Variants in COL18A1 observed in about 807,000 individuals in gnomAD.
COL18A1 encodes the protein collagen type XVIII alpha 1 chain.
A neutral mutation model predicts 168.0 loss-of-function variants in COL18A1; 133 were observed. The observed-to-expected ratio is 0.79, with a 90% CI of 0.69 to 0.91. COL18A1 has a LOEUF of 0.91. Among genes scored for constraint, COL18A1 ranks in the 40% least tolerant of loss-of-function variants. The probability of loss-of-function intolerance (pLI) is 0.00; values close to 1 mark genes in which losing one functional copy is unlikely to be tolerated. For missense variants in COL18A1, 2,126 were observed against 1,925.4 expected, an observed-to-expected ratio of 1.10 and a Z score of -1.95; for synonymous variants, 949 against 809.0, an observed-to-expected ratio of 1.17 and a Z score of -2.94.
In COL18A1 at chr21:45,505,922, G is replaced by T. The variant is rs1335050702; in HGVS notation, c.3172G>T (p.Glu1058Ter). 1.2e-6 allele frequency: 2 copies of T among 1,613,210 alleles called. No individual in the cohort carries two copies. Among genetic ancestry groups the T allele is most frequent in the Non-Finnish European group, 1.7e-6 (2 of 1,179,964 alleles). The stretch of plus-strand genomic sequence containing the variant: ...CTGGCTCATCTTCGTGGCCGAGCAG[G>T]AGGAGCTCTACGTCCGCGTGCAGAA... Reference protein sequence around the residue: ...EGWLIFVAEQEELYVRVQNGF... With the variant: ...EGWLIFVAEQ Residue 1058 changes from glutamate (E) to a stop codon, truncating the protein, a stop_gained, in exon 37 of 42, where the codon GAG becomes TAG. Coordinates refer to ENST00000651438, the MANE Select transcript of COL18A1 (RefSeq NM_001379500.1). LOFTEE classifies it high-confidence loss of function.
rs980347784 is a variant in COL18A1 at position 45,498,197 on chromosome 21, G to A, written c.2683+536G>A. 5.1e-5 allele frequency: 36 copies of A among 699,198 alleles called. No individual in the cohort carries two copies. The African/African-American group carries it at 6.3e-4, about 12-fold the overall frequency. The allele number at this position is 699,198 out of a possible 1,614,324, so 43.3% of individuals were successfully genotyped here. ...CCTGCCAAGACCACTGAGAACAGCT[G>A]GATAAAATGTGAGAAAACCACTGTT... On this transcript the variant is annotated intron_variant, in intron 32 of 41. Transcript: ENST00000651438. This position sits in a 1 kb window ranked among gnomAD's most constrained non-coding sequence, Gnocchi z 4.5.
chr21:45,439,364 T>G (rs2034305174), intron 2 of COL18A1, among the ~76,000 whole-genome samples: 1 of 152,120 alleles, frequency 6.6e-6, no homozygotes, highest in Non-Finnish European at 1.5e-5. Context: ...GCAGAGGCCG[T>G]GTGGATGCCG....
intron 2 of COL18A1, among the ~76,000 whole-genome samples, chr21:45,442,986 G>C (rs1234093326): frequency 6.9e-6 from 1 of 145,592 alleles, no homozygotes; most frequent in Non-Finnish European, 1.5e-5. Context: ...TGTGGGTGGC[G>C]GTGCTGGTGT....
At chr21:45,460,748 A>G (rs2035013064) in intron 2 of COL18A1, among the ~76,000 whole-genome samples, 3 of 152,092 alleles carry the variant, frequency 2.0e-5, no homozygotes, top group Admixed American at 2.0e-4. Flanking sequence ...CTTATCTCTC[A>G]CCGCTTGGCA....
chr21:45,455,146 G>T (rs919464638), intron 2 of COL18A1, among the ~76,000 whole-genome samples: 2 of 152,248 alleles, frequency 1.3e-5, no homozygotes, highest in Admixed American at 6.5e-5. Context: ...GCTGGGGGCC[G>T]CTGCCTCAGT....
rs937964944 is a variant in COL18A1 at position 45,457,093 on chromosome 21, C to T, written c.107-11149C>T. On this transcript the variant is annotated intron_variant, in intron 2 of 41. Coordinates refer to ENST00000651438, the MANE Select transcript of COL18A1 (RefSeq NM_001379500.1). The surrounding 1 kb of genome is among the most constrained non-coding windows in gnomAD (Gnocchi z 4.6). The stretch of plus-strand genomic sequence containing the variant: ...GACAGGAAGAGGGCTGGATGAACCG[C>T]AGCCGATGTGTCCAGGTGCCACCTG... Among the ~76,000 whole-genome samples, 3 of 152,132 alleles carry T rather than the reference C, an allele frequency of 2.0e-5. No homozygotes were observed. Among genetic ancestry groups the T allele is most frequent in the African/African-American group, 7.2e-5 (3 of 41,428 alleles).
At chr21:45,486,690 T>C (rs555444473) in intron 15 of COL18A1, among the ~76,000 whole-genome samples, 171 bp from the exon 16 acceptor site, 6 of 152,348 alleles carry the variant, frequency 3.9e-5, no homozygotes, top group Non-Finnish European at 7.3e-5. Context: ...TGAAATCGTG[T>C]CGTAAAGTTA....
intron 2 of COL18A1, among the ~76,000 whole-genome samples, chr21:45,466,717 C>A (rs1350680351): frequency 6.6e-6 from 1 of 152,160 alleles, no homozygotes; most frequent in African/African-American, 2.4e-5. Context: ...TCACTGGGGT[C>A]CCTGGGGCCG....
At chr21:45,410,405 C>T (rs572831359) in intron 2 of COL18A1, among the ~76,000 whole-genome samples, 16 of 131,658 alleles carry the variant, frequency 1.2e-4, no homozygotes, top group Admixed American at 1.5e-4. Context: ...GTGCTGGGGC[C>T]GGGCACTGGT....
rs1282858485 is a variant in COL18A1 at position 45,481,945 on chromosome 21, T to C, written c.1612-18T>C. ...GGCCGAATGCCATCAAGACCCACTA[T>C]GCTCTGCTCTCCCCCAGGGACCCCC... is the stretch of plus-strand genomic sequence containing the variant. On this transcript the variant is annotated intron_variant, in intron 13 of 41. Coordinates refer to ENST00000651438, the MANE Select transcript of COL18A1 (RefSeq NM_001379500.1). 6.3e-7 allele frequency: 1 copy of C among 1,596,954 alleles called. No homozygotes were observed. The highest frequency in any genetic ancestry group is 8.6e-7 in the Non-Finnish European group (1 of 1,164,494).
rs1365408488 is a variant in COL18A1, at chr21:45,479,315, ACAC to A, written c.1249-583_1249-581del. 6.6e-5 allele frequency among the ~76,000 whole-genome samples: 10 copies of A among 151,824 alleles called. No individual in the cohort carries two copies. In the South Asian group the frequency reaches 1.2e-3, roughly 19 times the overall value. On this transcript the variant is annotated intron_variant, in intron 9 of 41. Transcript: ENST00000651438. ...CACATGTGTGCACACACCACACATT[ACAC>A]CACACGTGGATACACTTGCATACAC...
intron 2 of COL18A1, among the ~76,000 whole-genome samples, chr21:45,440,738 T>G (rs2034348952): frequency 6.6e-6 from 1 of 151,676 alleles, no homozygotes; most frequent in Admixed American, 6.6e-5. Context: ...CCTGCGGGGG[T>G]TTATGTCACA....
At position 45,472,449 on chromosome 21, in the gene COL18A1, G is replaced by A. The variant is rs564239968; in HGVS notation, c.652-1446G>A. ...CATGGTCTCAATCTCCTGACCTTGT[G>A]ATCCACCCGCCTCGGCCTTCCAAAG... On this transcript the variant is annotated intron_variant, in intron 3 of 41. Transcript: ENST00000651438. Among the ~76,000 whole-genome samples the A allele has an allele frequency of 2.0e-5, 3 of 152,294 alleles. No individual in the cohort carries two copies. In the East Asian group the frequency reaches 5.8e-4, roughly 29 times the overall value.
At position 45,512,258 on chromosome 21, in the gene COL18A1, T is replaced by TG; in HGVS notation, c.3882dup (p.Arg1295AlafsTer37). 1 of 1,611,840 alleles carries TG rather than the reference T, an allele frequency of 6.2e-7. No individual in the cohort carries two copies. ...GCTGACCGAGAGCTACTGTGAGACG[T>TG]GGCGGACGGAGGCTCCCTCGGCCAC... On this transcript the variant is annotated frameshift_variant, in exon 42 of 42. Coordinates refer to ENST00000651438, the MANE Select transcript of COL18A1 (RefSeq NM_001379500.1). LOFTEE classifies it low-confidence loss of function (END_TRUNC).
chr21:45,477,671 T>C, intron 7 of COL18A1, 79 bp from the exon 8 acceptor site: 4 of 1,392,360 alleles, frequency 2.9e-6, no homozygotes, highest in Non-Finnish European at 3.9e-6. Flanking sequence ...CCTGGGACTC[T>C]GGAGGGCGCA....
At chr21:45,470,496 T>TG (rs2035379660) in intron 3 of COL18A1, among the ~76,000 whole-genome samples, 2 of 148,496 alleles carry the variant, frequency 1.3e-5, no homozygotes, top group South Asian at 2.1e-4. Flanking sequence ...TTTTTTGTTT[T>TG]TTTTTTTTTA....
intron 26 of COL18A1, chr21:45,493,988 A>G (rs539777387): frequency 2.9e-5 from 8 of 271,866 alleles, no homozygotes; most frequent in African/African-American, 6.6e-5. Flanking sequence ...CAGTTCCTCA[A>G]GGGGCCTGTG....
At chr21:45,510,028 T>G in intron 39 of COL18A1, 36 bp from the exon 40 acceptor site, 3 of 1,536,924 alleles carry the variant, frequency 2.0e-6, no homozygotes, top group Non-Finnish European at 2.6e-6. Context: ...GGGGGCAGCG[T>G]GGGACACAGC....
At chr21:45,510,522 C>T (rs996868516) in intron 40 of COL18A1, among the ~76,000 whole-genome samples, 24 of 152,288 alleles carry the variant, frequency 1.6e-4, no homozygotes, top group Admixed American at 1.4e-3. Context: ...CCCCCCGCTC[C>T]CCCGGCAGTG....
Sources: gnomAD v4.1 joint callset for allele counts (sites outside exome capture counted in the v4.1 genomes callset) on GRCh38, gnomAD v4.1.1 for gene constraint, Gnocchi (gnomAD v3.1) non-coding constraint, MANE v1.5 for transcripts, NCBI Gene and HGNC (gene_info 2026-07-23, HGNC 2026-07-21) for gene names.